The following NEDD4 variants were observed in gnomAD, a reference collection of about 807,000 sequenced individuals.
The protein encoded by NEDD4 is NEDD4 E3 ubiquitin protein ligase.
In NEDD4, 99 loss-of-function variants were observed where a neutral mutation model predicts 144.9. The observed-to-expected ratio is 0.68, with a 90% CI of 0.58 to 0.81. The LOEUF (loss-of-function observed/expected upper bound fraction) is 0.81. Ranked by LOEUF, NEDD4 falls within the 30% of genes least tolerant of loss-of-function variation. The probability of loss-of-function intolerance (pLI) is 0.00; values close to 1 mark genes in which losing one functional copy is unlikely to be tolerated. For synonymous variants in NEDD4, 318 were observed against 350.6 expected (o/e 0.91, Z 1.04); for missense variants, 985 against 1,065.9 (o/e 0.92, Z 1.06).
At chr15:55,864,461 C>A (rs2034516318) in intron 8 of NEDD4, among the ~76,000 whole-genome samples, 1 of 151,798 alleles carries the variant, frequency 6.6e-6, no homozygotes, top group Non-Finnish European at 1.5e-5. Context: ...GCGGGCAGAT[C>A]ACTTGAAGTA....
At chr15:55,923,094 G>A (rs879703876) in intron 5 of NEDD4, among the ~76,000 whole-genome samples, 1 of 152,096 alleles carries the variant, frequency 6.6e-6, no homozygotes, top group Non-Finnish European at 1.5e-5. Context: ...TGAGGCAGGA[G>A]AATAGCTTGA....
rs1365566245 is a variant in NEDD4 at position 55,827,155 on chromosome 15, T to C, written c.*2742A>G. 1 of 152,200 alleles carries C rather than the reference T, an allele frequency of 6.6e-6. No homozygotes were observed. Among genetic ancestry groups the C allele is most frequent in the Non-Finnish European group, 1.5e-5 (1 of 68,026 alleles). The allele number at this position is 152,200 out of a possible 1,614,324, so 9.4% of individuals were successfully genotyped here. A position where few individuals can be genotyped will look rare whatever the true frequency, so the allele number is the denominator to read the frequency against. On this transcript the variant is annotated 3_prime_UTR_variant, in exon 29 of 29. Coordinates refer to ENST00000435532, the MANE Select transcript of NEDD4 (RefSeq NM_006154.4). ...AAATAAAAACCCAAAACAAACACCA[T>C]TTAAATTTGAGTTCTGATGAAATGC...
chr15:55,990,280 T>G (rs1223029607), intron 1 of NEDD4, among the ~76,000 whole-genome samples: 1 of 152,028 alleles, frequency 6.6e-6, no homozygotes, highest in African/African-American at 2.4e-5. Flanking sequence ...AAAACTATCT[T>G]CCATGAAACC....
intron 2 of NEDD4, among the ~76,000 whole-genome samples, chr15:55,952,986 C>CT (rs34335685): frequency 0.52 from 76,325 of 147,796 alleles, 19,504 homozygotes; most frequent in African/African-American, 0.55. Flanking sequence ...TGTATTAATT[C>CT]TTTTTTTTTT....
intron 1 of NEDD4, chr15:55,987,964 T>C (rs1223479394): frequency 6.8e-6 from 1 of 147,802 alleles, no homozygotes; most frequent in African/African-American, 2.5e-5. Flanking sequence ...GGGCTCTTTT[T>C]TGGTTCCATA....
chr15:55,830,093 G>A (rs1173117021), intron 28 of NEDD4, 94 bp from the exon 29 acceptor site: 1 of 843,254 alleles, frequency 1.2e-6, no homozygotes, highest in South Asian at 1.7e-5. Context: ...TGATGAGAAT[G>A]TTCCAACACC....
At chr15:55,990,726 A>G (rs1291383038) in intron 1 of NEDD4, among the ~76,000 whole-genome samples, 1 of 152,102 alleles carries the variant, frequency 6.6e-6, no homozygotes, top group East Asian at 1.9e-4. Context: ...CCTCCATATC[A>G]CAGGGAGGTG....
intron 2 of NEDD4, among the ~76,000 whole-genome samples, chr15:55,961,377 G>A (rs2037424043): frequency 6.6e-6 from 1 of 152,168 alleles, no homozygotes. Context: ...CCCTGTAGCA[G>A]AGGACCCAGT....
intron 5 of NEDD4, among the ~76,000 whole-genome samples, chr15:55,907,115 A>T (rs1274980654): frequency 1.3e-5 from 2 of 151,886 alleles, no homozygotes. Flanking sequence ...AAATAAAAAT[A>T]AAAAATAAAC....
At chr15:55,845,742 T>C (rs1390982774) in intron 18 of NEDD4, among the ~76,000 whole-genome samples, 1 of 151,844 alleles carries the variant, frequency 6.6e-6, no homozygotes, top group Non-Finnish European at 1.5e-5. Context: ...AGTCTAGAAG[T>C]AGAAAACAAA....
intron 1 of NEDD4, among the ~76,000 whole-genome samples, chr15:55,974,527 T>G (rs2142344084): frequency 6.6e-6 from 1 of 152,206 alleles, no homozygotes; most frequent in Admixed American, 6.5e-5. Flanking sequence ...AATAAAATAC[T>G]AGCAAACCAA....
intron 4 of NEDD4, among the ~76,000 whole-genome samples, chr15:55,930,867 A>G (rs1238004903): frequency 3.9e-5 from 6 of 152,156 alleles, no homozygotes; most frequent in Non-Finnish European, 8.8e-5. Flanking sequence ...AGGCCTCCCC[A>G]GCCATGTGGA....
intron 14 of NEDD4, among the ~76,000 whole-genome samples, chr15:55,849,645 A>C (rs1210210220): frequency 6.6e-6 from 1 of 151,798 alleles, no homozygotes; most frequent in Non-Finnish European, 1.5e-5. Context: ...AATGTTAAAA[A>C]AGAGAACAAA....
rs1380060146 is a variant in NEDD4 at position 55,844,088 on chromosome 15, G to A, written c.1609-1925C>T. ...AATGAGGCAATCAAGAAGGCTTTGAGAGGAAGTCTTTAGACAGAGAAAGGG... is the reference window on the plus strand; with the variant it reads ...AATGAGGCAATCAAGAAGGCTTTGAAAGGAAGTCTTTAGACAGAGAAAGGG... On this transcript the variant is annotated intron_variant, in intron 18 of 28. Coordinates refer to ENST00000435532, the MANE Select transcript of NEDD4 (RefSeq NM_006154.4). Among the ~76,000 whole-genome samples the A allele has an allele frequency of 3.3e-5, 5 of 152,284 alleles. No individual in the cohort carries two copies. The South Asian group carries it at 8.3e-4, about 25-fold the overall frequency.
At chr15:55,884,355 A>G (rs1392566963) in intron 5 of NEDD4, among the ~76,000 whole-genome samples, 2 of 152,214 alleles carry the variant, frequency 1.3e-5, no homozygotes, top group African/African-American at 4.8e-5. Flanking sequence ...TGTGAAGACT[A>G]TAATAAATAC....
At chr15:55,940,307 T>G (rs2036973861) in intron 4 of NEDD4, among the ~76,000 whole-genome samples, 2 of 151,734 alleles carry the variant, frequency 1.3e-5, no homozygotes, top group Non-Finnish European at 3.0e-5. Context: ...GTTTATGACT[T>G]TGATTGTGGT....
intron 5 of NEDD4, among the ~76,000 whole-genome samples, chr15:55,900,322 A>T (rs1444157694): frequency 6.6e-6 from 1 of 152,188 alleles, no homozygotes; most frequent in African/African-American, 2.4e-5. Flanking sequence ...AGAGCACTTT[A>T]TAGCTGCTTG....
intron 27 of NEDD4, among the ~76,000 whole-genome samples, chr15:55,832,538 C>T (rs1310820066): frequency 2.0e-5 from 3 of 152,104 alleles, no homozygotes; most frequent in South Asian, 4.1e-4. Flanking sequence ...CCTCAGCCTC[C>T]CAAGTAGCTG....
chr15:55,871,344 T>C (rs1309751290), intron 7 of NEDD4, among the ~76,000 whole-genome samples: 12 of 152,242 alleles, frequency 7.9e-5, no homozygotes, highest in African/African-American at 2.9e-4. Context: ...TTTAGGAATG[T>C]AGTACATTTT....
Sources: gnomAD v4.1 joint callset for allele counts (sites outside exome capture counted in the v4.1 genomes callset) on GRCh38, gnomAD v4.1.1 for gene constraint, MANE v1.5 for transcripts, NCBI Gene and HGNC (gene_info 2026-07-23, HGNC 2026-07-21) for gene names.